Variants in CEP128 observed in about 807,000 individuals in gnomAD.
CEP128 encodes the protein centrosomal protein 128.
A neutral mutation model predicts 156.7 loss-of-function variants in CEP128; 132 were observed. The ratio of observed to expected loss-of-function variants is 0.84; its 90% CI spans 0.73 to 0.97. The LOEUF is 0.97. Ranked by LOEUF, CEP128 falls within the 50% of genes least tolerant of loss-of-function variation. The probability of loss-of-function intolerance (pLI) is 0.00; values close to 1 mark genes in which losing one functional copy is unlikely to be tolerated. For missense variants in CEP128, 1,252 were observed against 1,281.9 expected (o/e 0.98, Z 0.36); for synonymous variants, 469 against 448.9 (o/e 1.04, Z -0.57).
intron 24 of CEP128, among the ~76,000 whole-genome samples, chr14:80,499,240 G>A (rs971587991): frequency 6.6e-6 from 1 of 152,154 alleles, no homozygotes; most frequent in Admixed American, 6.5e-5. Context: ...AGTTAGCCGG[G>A]TAGACCTTGA....
At chr14:80,858,778 C>CA (rs1887349120) in intron 9 of CEP128, among the ~76,000 whole-genome samples, 1 of 151,844 alleles carries the variant, frequency 6.6e-6, no homozygotes, top group Non-Finnish European at 1.5e-5. Context: ...TTTATGCAGC[C>CA]AAAAAACACA....
chr14:80,608,015 G>A (rs1351969971), intron 19 of CEP128, among the ~76,000 whole-genome samples: 1 of 152,118 alleles, frequency 6.6e-6, no homozygotes, highest in Non-Finnish European at 1.5e-5. Context: ...TCGCCTCAGG[G>A]CCTTTGCTGC....
intron 22 of CEP128, among the ~76,000 whole-genome samples, chr14:80,528,026 G>A (rs11849173): frequency 0.013 from 2,020 of 151,976 alleles, 53 homozygotes; most frequent in African/African-American, 0.045. Context: ...AAACACGTAC[G>A]GATTTAGTGT....
chr14:80,510,266 A>G (rs1305577881), intron 23 of CEP128, among the ~76,000 whole-genome samples: 1 of 151,876 alleles, frequency 6.6e-6, no homozygotes, highest in Admixed American at 6.6e-5. Flanking sequence ...ATATCTTTCC[A>G]TTTTTTTGTA....
chr14:80,572,861 C>T (rs1891202165), intron 20 of CEP128, among the ~76,000 whole-genome samples: 1 of 152,158 alleles, frequency 6.6e-6, no homozygotes, highest in African/African-American at 2.4e-5. Flanking sequence ...GAAGATGAGT[C>T]AAATCATCTT....
intron 19 of CEP128, among the ~76,000 whole-genome samples, chr14:80,697,857 C>T (rs1200638124): frequency 6.6e-6 from 1 of 151,898 alleles, no homozygotes; most frequent in East Asian, 1.9e-4. Context: ...TGGGAGCTAT[C>T]ATTATGGCAC....
At chr14:80,688,798 G>C (rs558288870) in intron 19 of CEP128, among the ~76,000 whole-genome samples, 1 of 152,240 alleles carries the variant, frequency 6.6e-6, no homozygotes, top group Non-Finnish European at 1.5e-5. Context: ...ATAAATCAGA[G>C]AACATTAGTA....
chr14:80,664,127 A>G (rs1365344046), intron 19 of CEP128, among the ~76,000 whole-genome samples: 1 of 152,222 alleles, frequency 6.6e-6, no homozygotes, highest in African/African-American at 2.4e-5. Flanking sequence ...AGCCTAGAAT[A>G]TGGGTTGACA....
chr14:80,806,072 T>TAGTA (rs1884159113), intron 13 of CEP128, among the ~76,000 whole-genome samples: 1 of 152,196 alleles, frequency 6.6e-6, no homozygotes, highest in African/African-American at 2.4e-5. Flanking sequence ...TATAGCCTAC[T>TAGTA]GTCTTCTCTA....
At chr14:80,763,199 C>T (rs1385444583) in intron 16 of CEP128, among the ~76,000 whole-genome samples, 1 of 152,130 alleles carries the variant, frequency 6.6e-6, no homozygotes, top group African/African-American at 2.4e-5. Flanking sequence ...GCATGTTCAC[C>T]ACACATCAGG....
intron 19 of CEP128, among the ~76,000 whole-genome samples, chr14:80,642,570 C>A (rs1296426665): frequency 6.6e-6 from 1 of 151,982 alleles, no homozygotes; most frequent in Non-Finnish European, 1.5e-5. Flanking sequence ...GTGGTCCCAA[C>A]TGTTTGGGAG....
At chr14:80,886,513 C>T (rs2139345923) in intron 8 of CEP128, among the ~76,000 whole-genome samples, 1 of 152,302 alleles carries the variant, frequency 6.6e-6, no homozygotes, top group South Asian at 2.1e-4. Flanking sequence ...TCCAGAATTT[C>T]ATATCCAGCC....
At chr14:80,944,682 T>C (rs11627929), upstream of CEP128, among the ~76,000 whole-genome samples, 84,028 of 150,830 alleles carry the variant, frequency 0.56, 23,863 homozygotes, top group East Asian at 0.69. Context: ...ATTAGCCAGG[T>C]GTGGCGGCGG....
intron 21 of CEP128, among the ~76,000 whole-genome samples, chr14:80,538,985 C>T (rs1219894696): frequency 6.6e-6 from 1 of 152,168 alleles, no homozygotes; most frequent in Non-Finnish European, 1.5e-5. Context: ...TATATGTCCC[C>T]AGCATTCCAC....
intron 2 of CEP128, among the ~76,000 whole-genome samples, chr14:80,918,438 A>G (rs1884676833): frequency 1.3e-5 from 2 of 152,252 alleles, no homozygotes; most frequent in South Asian, 2.1e-4. Context: ...AGATGCTTAC[A>G]TAAGACAACC....
chr14:80,551,297 G>C (rs1890198683), intron 21 of CEP128, among the ~76,000 whole-genome samples: 1 of 152,064 alleles, frequency 6.6e-6, no homozygotes, highest in Non-Finnish European at 1.5e-5. Flanking sequence ...TTTTTCTTTT[G>C]TTTAACTCAA....
intron 19 of CEP128, among the ~76,000 whole-genome samples, chr14:80,615,188 C>T (rs1482802522): frequency 2.0e-5 from 3 of 152,124 alleles, no homozygotes; most frequent in Admixed American, 1.3e-4. Flanking sequence ...GGAAACTCTA[C>T]AGTCACACAA....
intron 19 of CEP128, among the ~76,000 whole-genome samples, chr14:80,592,968 C>G (rs1194953680): frequency 6.6e-6 from 1 of 152,168 alleles, no homozygotes; most frequent in African/African-American, 2.4e-5. Context: ...GCTAAAAACT[C>G]TCAATAAACT....
chr14:80,488,795 T>C (rs539579768), downstream of CEP128, among the ~76,000 whole-genome samples: 52 of 125,126 alleles, frequency 4.2e-4, no homozygotes, highest in African/African-American at 1.4e-3. Context: ...CATGGAATAC[T>C]ATGCAGCCAT....
Sources: gnomAD v4.1 joint callset for allele counts (sites outside exome capture counted in the v4.1 genomes callset) on GRCh38, gnomAD v4.1.1 for gene constraint, MANE v1.5 for transcripts, NCBI Gene and HGNC (gene_info 2026-07-23, HGNC 2026-07-21) for gene names.